The following TRDN variants were observed in gnomAD, a reference collection of about 807,000 sequenced individuals.
TRDN encodes triadin in skeletal muscle.
In TRDN, 161 loss-of-function variants were observed where a neutral mutation model predicts 149.7. The ratio of observed to expected loss-of-function variants is 1.08; its 90% CI spans 0.95 to 1.23. The LOEUF is 1.23. Among genes scored for constraint, TRDN ranks in the 50% most tolerant of loss-of-function variants. The pLI is 0.00. For synonymous variants in TRDN, 294 were observed against 250.5 expected (o/e 1.17, Z -1.64); for missense variants, 896 against 823.5 (o/e 1.09, Z -1.08).
At chr6:123,405,457 C>G (rs80101350) in intron 12 of TRDN, among the ~76,000 whole-genome samples, 2 of 152,056 alleles carry the variant, frequency 1.3e-5, no homozygotes. Context: ...ATGAACTATA[C>G]GCTGAGTTTT....
intron 1 of TRDN, among the ~76,000 whole-genome samples, chr6:123,600,777 C>T (rs940314446): frequency 4.6e-5 from 7 of 152,038 alleles, no homozygotes; most frequent in Non-Finnish European, 8.8e-5. Context: ...TGTTGAGAGA[C>T]GTTCATAAGT....
At chr6:123,251,267 C>T (rs1776362693) in intron 38 of TRDN, among the ~76,000 whole-genome samples, 1 of 151,966 alleles carries the variant, frequency 6.6e-6, no homozygotes, top group Non-Finnish European at 1.5e-5. Context: ...TTTTTATTGT[C>T]TTCAATATTA....
intron 23 of TRDN, among the ~76,000 whole-genome samples, chr6:123,322,861 G>A (rs553471939): frequency 5.3e-5 from 8 of 151,734 alleles, no homozygotes; most frequent in Admixed American, 4.6e-4. Flanking sequence ...GGATGGTGTT[G>A]ATCTCCTGAC....
chr6:123,284,945 A>G (rs1254651716), intron 24 of TRDN, among the ~76,000 whole-genome samples: 1 of 152,134 alleles, frequency 6.6e-6, no homozygotes, highest in Admixed American at 6.6e-5. Flanking sequence ...ACTTAGAAAT[A>G]TACCTAACCA....
intron 1 of TRDN, among the ~76,000 whole-genome samples, chr6:123,586,653 A>C (rs533738703): frequency 6.5e-4 from 99 of 152,260 alleles, no homozygotes; most frequent in African/African-American, 2.3e-3. Flanking sequence ...GCAGAAGAAA[A>C]TAAGACACTT....
intron 12 of TRDN, among the ~76,000 whole-genome samples, chr6:123,403,115 G>A (rs1342802300): frequency 6.6e-6 from 1 of 152,074 alleles, no homozygotes; most frequent in African/African-American, 2.4e-5. Context: ...GAAGGCTTCA[G>A]ACTACCATCC....
intron 10 of TRDN, among the ~76,000 whole-genome samples, chr6:123,452,144 T>C (rs1775813942): frequency 6.6e-6 from 1 of 152,022 alleles, no homozygotes; most frequent in Admixed American, 6.6e-5. Flanking sequence ...CAACATATAT[T>C]GAATGGGTAA....
At chr6:123,225,693 C>T (rs1453572311) in intron 38 of TRDN, among the ~76,000 whole-genome samples, 1 of 151,548 alleles carries the variant, frequency 6.6e-6, no homozygotes, top group Non-Finnish European at 1.5e-5. Flanking sequence ...ACTTATATCT[C>T]AATAAAATTA....
At chr6:123,386,063 T>A (rs925010240) in intron 14 of TRDN, among the ~76,000 whole-genome samples, 1 of 152,170 alleles carries the variant, frequency 6.6e-6, no homozygotes, top group African/African-American at 2.4e-5. Context: ...ATATATTTGT[T>A]CAGAAATGTG....
At chr6:123,225,792 T>C in intron 38 of TRDN, among the ~76,000 whole-genome samples, 1 of 151,020 alleles carries the variant, frequency 6.6e-6, no homozygotes, top group African/African-American at 2.5e-5. Flanking sequence ...ACTTGGTCTT[T>C]TCTGCATTCA....
intron 23 of TRDN, 109 bp from the exon 24 acceptor site, chr6:123,316,604 T>C (rs1291139241): frequency 1.2e-6 from 1 of 853,130 alleles, no homozygotes; most frequent in Non-Finnish European, 1.8e-6. Flanking sequence ...TGATTTTTCT[T>C]GTCTGTTTTC....
intron 38 of TRDN, among the ~76,000 whole-genome samples, chr6:123,237,288 C>A (rs1022366143): frequency 6.6e-6 from 1 of 151,934 alleles, no homozygotes; most frequent in African/African-American, 2.4e-5. Context: ...CTCGCTCTGT[C>A]GCCCAGGCTG....
At chr6:123,464,708 T>C in intron 10 of TRDN, 198 bp downstream of exon 10, 2 of 1,365,532 alleles carry the variant, frequency 1.5e-6, no homozygotes, top group Non-Finnish European at 1.9e-6. Context: ...GTCACCAATA[T>C]AGAATCTTAA....
At chr6:123,257,558 G>A (rs1283170238) in intron 35 of TRDN, among the ~76,000 whole-genome samples, 2 of 152,108 alleles carry the variant, frequency 1.3e-5, no homozygotes, top group Non-Finnish European at 1.5e-5. Flanking sequence ...TTGTAGTATA[G>A]TTTGGAGTCA....
intron 5 of TRDN, among the ~76,000 whole-genome samples, chr6:123,521,741 A>T (rs1358933384): frequency 6.6e-6 from 1 of 152,096 alleles, no homozygotes; most frequent in African/African-American, 2.4e-5. Context: ...TAAGCTTCAG[A>T]GTCCACACCT....
At chr6:123,405,622 G>T (rs938735453) in intron 12 of TRDN, among the ~76,000 whole-genome samples, 4 of 152,134 alleles carry the variant, frequency 2.6e-5, no homozygotes, top group African/African-American at 7.2e-5. Context: ...AATGGCTAAA[G>T]GAAGGGTGCA....
At chr6:123,378,612 G>T (rs148862848) in intron 16 of TRDN, among the ~76,000 whole-genome samples, 1 of 152,012 alleles carries the variant, frequency 6.6e-6, no homozygotes, top group Non-Finnish European at 1.5e-5. Flanking sequence ...CCACAGCACC[G>T]CAGCTTATTG....
At chr6:123,257,614 T>G (rs541583837) in intron 35 of TRDN, among the ~76,000 whole-genome samples, 1 of 152,320 alleles carries the variant, frequency 6.6e-6, no homozygotes, top group South Asian at 2.1e-4. Flanking sequence ...TAGGATTGTC[T>G]TGGCTATAAG....
At chr6:123,567,506 C>G (rs1309739895) in intron 2 of TRDN, among the ~76,000 whole-genome samples, 1 of 152,050 alleles carries the variant, frequency 6.6e-6, no homozygotes, top group African/African-American at 2.4e-5. Flanking sequence ...TGTACAGAAG[C>G]ATGGTGCTGG....
Sources: allele counts gnomAD v4.1 joint callset (sites outside exome capture counted in the v4.1 genomes callset), GRCh38; gene constraint gnomAD v4.1.1; transcripts MANE v1.5; gene names NCBI Gene and HGNC (gene_info 2026-07-23, HGNC 2026-07-21).